CDK12: variants seen among roughly 807,000 people sequenced by gnomAD.
CDK12 encodes the protein cyclin-dependent kinase 12.
In CDK12, 17 loss-of-function variants were observed where a neutral mutation model predicts 133.8. That is an observed-to-expected ratio of 0.13 (90% confidence interval 0.09 to 0.19). The LOEUF is 0.19. Among genes scored for constraint, CDK12 ranks in the 10% least tolerant of loss-of-function variants. The pLI is 1.00. For missense variants in CDK12, 1,508 were observed against 1,818.7 expected (o/e 0.83, Z 3.11); for synonymous variants, 694 against 683.6 (o/e 1.02, Z -0.24).
intron 2 of CDK12, 128 bp from the exon 3 acceptor site, chr17:39,490,429 G>T: frequency 1.7e-6 from 1 of 594,952 alleles, no homozygotes; most frequent in South Asian, 2.6e-5. Context: ...TTATGTTATA[G>T]TACAGGTTTT....
At chr17:39,564,140 C>T (rs1332881208) in intron 3 of CDK12, among the ~76,000 whole-genome samples, 1 of 152,148 alleles carries the variant, frequency 6.6e-6, no homozygotes, top group African/African-American at 2.4e-5. Flanking sequence ...TCAGAGGATA[C>T]CTGGAGGACC....
Position 39,515,863 on chromosome 17 carries a change from C to A in CDK12, c.2846+55C>A. 5 of 1,142,098 alleles carry A rather than the reference C, an allele frequency of 4.4e-6. No homozygotes were observed. The South Asian group carries it at 6.8e-5, about 15-fold the overall frequency. 70.7% of individuals were successfully genotyped at this position (1,142,098 alleles called of 1,614,324 possible). ...CAGGTGTGATAGGTATTCTCATCCT[C>A]CAGTTTCTAACACTTTCTAGTCATT... On this transcript the variant is annotated intron_variant, in intron 9 of 13. Transcript: ENST00000447079.
intron 8 of CDK12, 95 bp from the exon 9 acceptor site, chr17:39,515,636 G>A: frequency 2.8e-6 from 2 of 703,962 alleles, no homozygotes; most frequent in Non-Finnish European, 2.4e-6. Flanking sequence ...TATCTTGGTT[G>A]CAATCCGACA....
rs2146511696 is a variant in CDK12, at chr17:39,517,522, C to A, written c.2929C>A (p.Gln977Lys). 2 of 1,611,070 alleles carry A rather than the reference C, an allele frequency of 1.2e-6. No homozygotes were observed. Among genetic ancestry groups the A allele is most frequent in the Non-Finnish European group, 1.7e-6 (2 of 1,177,232 alleles). ...CTTCAACACCATGAAACCGAAGAAG[C>A]AATATCGAAGGCGTCTACGAGAAGA... ...PYFNTMKPKK[Q>K]YRRRLREEFS... Residue 977 changes from glutamine (Q) to lysine (K), a missense_variant, in exon 10 of 14, where the codon CAA (glutamine) becomes AAA (lysine). Gln to Lys is a moderately conservative substitution (Grantham distance 53, BLOSUM62 1). This residue lies in a region of CDK12 where 82 missense variants were observed against 201.5 expected (regional missense o/e 0.41). Transcript: ENST00000447079.
chr17:39,476,095 TA>T (rs1442187142), intron 2 of CDK12, among the ~76,000 whole-genome samples: 1 of 151,848 alleles, frequency 6.6e-6, no homozygotes, highest in Non-Finnish European at 1.5e-5. Context: ...GAAAAATGTT[TA>T]GGAAACAAAA....
chr17:39,506,442 C>G (rs1346175978), intron 6 of CDK12, among the ~76,000 whole-genome samples: 1 of 151,792 alleles, frequency 6.6e-6, no homozygotes. Context: ...TCTCAAACCT[C>G]TGACCTCAAG....
intron 3 of CDK12, 143 bp from the exon 4 acceptor site, chr17:39,492,608 A>G (rs937350927): frequency 1.5e-5 from 8 of 524,806 alleles, no homozygotes; most frequent in Non-Finnish European, 1.9e-5. Context: ...ACGGGGTTTC[A>G]CCATGTTAGC....
At chr17:39,473,651 G>A (rs1458249150) in intron 2 of CDK12, among the ~76,000 whole-genome samples, 1 of 152,116 alleles carries the variant, frequency 6.6e-6, no homozygotes, top group Non-Finnish European at 1.5e-5. Context: ...AGCACTTTGG[G>A]AGGCCAAGGC....
chr17:39,482,202 G>C (rs1567707676), intron 2 of CDK12, among the ~76,000 whole-genome samples: 1 of 150,752 alleles, frequency 6.6e-6, no homozygotes, highest in Non-Finnish European at 1.5e-5. Flanking sequence ...AATAGAGATG[G>C]GGTTTCACCA....
Position 39,524,764 on chromosome 17 carries a change from A to G in CDK12, c.3186A>G (p.Pro1062=), listed in dbSNP as rs778467311. Residue 1062 remains proline (P), a synonymous_variant, in exon 12 of 14, where the codon CCA becomes CCG. Transcript: ENST00000447079. ...QSGVVVEEPP[P]SKTSRKETTS... is the part of the protein sequence containing the mutation. ...GTGTTGTAGTCGAAGAGCCACCTCC[A>G]TCCAAAACTTCTCGAAAAGAAACTA... The G allele has an allele frequency of 1.9e-6, 3 of 1,614,218 alleles. No individual in the cohort carries two copies. The highest frequency in any genetic ancestry group is 1.3e-5 in the African/African-American group (1 of 75,052).
At chr17:39,519,168 G>A (rs2054004428) in intron 10 of CDK12, among the ~76,000 whole-genome samples, 1 of 152,026 alleles carries the variant, frequency 6.6e-6, no homozygotes, top group Admixed American at 6.6e-5. Context: ...CCCACAAAGT[G>A]CTGGGATTAC....
upstream of CDK12, chr17:39,544,423 A>G: frequency 8.3e-6 from 3 of 360,376 alleles, no homozygotes; most frequent in South Asian, 2.2e-5. Context: ...CCCTACTCCC[A>G]TCCCACCCCA....
At chr17:39,563,179 G>A (rs1182324968) in intron 3 of CDK12, among the ~76,000 whole-genome samples, 3 of 151,816 alleles carry the variant, frequency 2.0e-5, no homozygotes, top group African/African-American at 7.3e-5. Context: ...ACATACAGGC[G>A]TATGCACACA....
rs1187933982 is a variant in CDK12 at position 39,471,598 on chromosome 17, A to G, written c.1766A>G (p.His589Arg). 8 of 1,613,830 alleles carry G rather than the reference A, an allele frequency of 5.0e-6. No homozygotes were observed. The highest frequency in any genetic ancestry group is 6.8e-6 in the Non-Finnish European group (8 of 1,179,998). The change falls in exon 2 of 14, where the codon CAC (histidine) becomes CGC (arginine). Residue 589 changes from histidine (H) to arginine (R), a missense_variant. Around this residue, in one of 9 missense-constraint regions of CDK12, gnomAD observed 347 missense variants for 330.8 expected, o/e 1.05. Coordinates refer to ENST00000447079, the MANE Select transcript of CDK12 (RefSeq NM_016507.4). ...ACTTCAACTTTGCCCCCTTCTACTC[A>G]CTCAAAGACATCTGCTGTGTCCTCT... ...SSTSTLPPST[H>R]SKTSAVSSQA... is the part of the protein sequence containing the mutation.
At chr17:39,493,600 C>T (rs2051822258) in intron 4 of CDK12, among the ~76,000 whole-genome samples, 1 of 152,144 alleles carries the variant, frequency 6.6e-6, no homozygotes, top group Non-Finnish European at 1.5e-5. Flanking sequence ...GCTGGGATTA[C>T]AGGCATGAGC....
At chr17:39,474,221 A>C (rs1415873079) in intron 2 of CDK12, among the ~76,000 whole-genome samples, 1 of 152,196 alleles carries the variant, frequency 6.6e-6, no homozygotes, top group Non-Finnish European at 1.5e-5. Context: ...CATTTATTGA[A>C]ACAAACTTTT....
Position 39,531,379 on chromosome 17 carries a change from A to G in CDK12, c.*63A>G. On this transcript the variant is annotated 3_prime_UTR_variant, in exon 14 of 14. Transcript: ENST00000447079. ...TCCATCCTTCCATCCAGTTCTCTGA[A>G]TCTTTAATGAAATCATTTGCCAGAG... 7.4e-7 allele frequency: 1 copy of G among 1,345,502 alleles called. No homozygotes were observed. Among genetic ancestry groups the G allele is most frequent in the South Asian group, 2.4e-5 (1 of 42,158 alleles). 83.3% of individuals were successfully genotyped at this position (1,345,502 alleles called of 1,614,324 possible).
At chr17:39,527,556 T>A (rs1016873466) in intron 13 of CDK12, among the ~76,000 whole-genome samples, 12 of 152,204 alleles carry the variant, frequency 7.9e-5, no homozygotes, top group Admixed American at 1.3e-4. Flanking sequence ...TGTTTATTTG[T>A]TTGTTTTTGG....
At chr17:39,545,679 T>A (rs1197793050), upstream of CDK12, among the ~76,000 whole-genome samples, 1 of 151,528 alleles carries the variant, frequency 6.6e-6, no homozygotes, top group Non-Finnish European at 1.5e-5. Context: ...TTGGTATTTT[T>A]AGTAGGGACG....
Sources: gnomAD v4.1 joint callset for allele counts (sites outside exome capture counted in the v4.1 genomes callset) on GRCh38, gnomAD v4.1.1 for gene constraint, gnomAD v4.1.1 regional missense constraint, MANE v1.5 for transcripts, NCBI Gene and HGNC (gene_info 2026-07-23, HGNC 2026-07-21) for gene names.